Variants in PCDH9 observed in about 807,000 individuals in gnomAD.
PCDH9 encodes the protein protocadherin-9.
A neutral mutation model predicts 70.6 loss-of-function variants in PCDH9; 24 were observed. That is an observed-to-expected ratio of 0.34 (90% CI 0.25 to 0.48). The LOEUF (loss-of-function observed/expected upper bound fraction) is 0.48. Ranked by LOEUF, PCDH9 falls within the 20% of genes least tolerant of loss-of-function variation. The pLI is 0.99. For synonymous variants in PCDH9, 562 were observed against 558.5 expected (o/e 1.01, Z -0.09); for missense variants, 1,281 against 1,503.6 (o/e 0.85, Z 2.45).
chr13:66,972,905 T>C (rs761019837), intron 2 of PCDH9, among the ~76,000 whole-genome samples: 1 of 152,058 alleles, frequency 6.6e-6, no homozygotes, highest in Non-Finnish European at 1.5e-5. Flanking sequence ...AGATGACTAG[T>C]CACTTTCTTT....
intron 4 of PCDH9, among the ~76,000 whole-genome samples, chr13:66,489,073 T>C (rs1476116303): frequency 6.6e-6 from 1 of 152,200 alleles, no homozygotes; most frequent in Non-Finnish European, 1.5e-5. Context: ...TTTAACAACT[T>C]GCAAAGTTTT....
chr13:66,497,263 G>A (rs755085549), intron 4 of PCDH9, among the ~76,000 whole-genome samples: 3 of 151,540 alleles, frequency 2.0e-5, no homozygotes, highest in Non-Finnish European at 4.4e-5. Context: ...TGGTAGAAAT[G>A]GGGTTTTGCC....
At chr13:66,997,698 C>G (rs1243518145) in intron 2 of PCDH9, among the ~76,000 whole-genome samples, 1 of 152,090 alleles carries the variant, frequency 6.6e-6, no homozygotes, top group Middle Eastern at 3.2e-3. Flanking sequence ...CCATGCCTAG[C>G]TAATTTTTGT....
At chr13:66,489,573 A>T (rs958218408) in intron 4 of PCDH9, among the ~76,000 whole-genome samples, 5 of 152,132 alleles carry the variant, frequency 3.3e-5, no homozygotes, top group Non-Finnish European at 5.9e-5. Context: ...CAGCTTCTTA[A>T]AATGCTGAGA....
At chr13:67,187,795 G>A (rs9592502) in intron 2 of PCDH9, among the ~76,000 whole-genome samples, 7,656 of 152,010 alleles carry the variant, frequency 0.05, 248 homozygotes, top group Middle Eastern at 0.075. Context: ...CATAACAGTT[G>A]TACACATTTA....
intron 4 of PCDH9, among the ~76,000 whole-genome samples, chr13:66,415,325 A>G (rs1210292272): frequency 6.6e-6 from 1 of 152,136 alleles, no homozygotes; most frequent in East Asian, 1.9e-4. Context: ...TAATGAAAAC[A>G]GTATTTGCCA....
intron 3 of PCDH9, among the ~76,000 whole-genome samples, chr13:66,643,410 C>T (rs1681297746): frequency 6.6e-6 from 1 of 151,632 alleles, no homozygotes; most frequent in African/African-American, 2.4e-5. Context: ...TTTTTTTAAT[C>T]CACCTATTAT....
chr13:66,545,814 T>TTTTAC (rs1961162313), intron 4 of PCDH9, among the ~76,000 whole-genome samples: 1 of 145,314 alleles, frequency 6.9e-6, no homozygotes, highest in Non-Finnish European at 1.5e-5. Flanking sequence ...TTTTACTTTA[T>TTTTAC]TTTATTTTAT....
chr13:67,059,044 G>A (rs1052196735), intron 2 of PCDH9, among the ~76,000 whole-genome samples: 1 of 151,946 alleles, frequency 6.6e-6, no homozygotes, highest in Admixed American at 6.6e-5. Context: ...TGTTCCCTGG[G>A]AGAGTCTGAG....
At chr13:67,048,139 G>C (rs2085257807) in intron 2 of PCDH9, among the ~76,000 whole-genome samples, 1 of 152,134 alleles carries the variant, frequency 6.6e-6, no homozygotes, top group Non-Finnish European at 1.5e-5. Flanking sequence ...CCCTAAAGGA[G>C]ATTTTGAAGG....
At chr13:66,385,996 TAA>T (rs60534095) in intron 4 of PCDH9, among the ~76,000 whole-genome samples, 35 of 129,144 alleles carry the variant, frequency 2.7e-4, no homozygotes, top group African/African-American at 6.5e-4. Flanking sequence ...ACGTATCTGA[TAA>T]AAAAAAAAAA....
chr13:66,381,871 G>A (rs1350532025), intron 4 of PCDH9, among the ~76,000 whole-genome samples: 7 of 152,098 alleles, frequency 4.6e-5, no homozygotes, highest in Non-Finnish European at 7.4e-5. Flanking sequence ...TTAGACAGGA[G>A]TTTTTAAGTT....
chr13:66,693,933 A>C (rs2078522782), intron 3 of PCDH9, among the ~76,000 whole-genome samples: 1 of 152,220 alleles, frequency 6.6e-6, no homozygotes, highest in African/African-American at 2.4e-5. Context: ...ATTATCTCAC[A>C]ACTATAAGGT....
chr13:66,432,339 A>T (rs1957786629), intron 4 of PCDH9, among the ~76,000 whole-genome samples: 3 of 151,988 alleles, frequency 2.0e-5, no homozygotes, highest in Admixed American at 1.3e-4. Flanking sequence ...TTGTGGCAAC[A>T]TGACGTCTGA....
intron 3 of PCDH9, among the ~76,000 whole-genome samples, chr13:66,744,648 A>T (rs1235114409): frequency 6.6e-6 from 1 of 152,112 alleles, no homozygotes; most frequent in Non-Finnish European, 1.5e-5. Context: ...CATATATATA[A>T]TTTCCTCATT....
At chr13:66,780,613 C>G (rs2079983078) in intron 3 of PCDH9, among the ~76,000 whole-genome samples, 1 of 152,064 alleles carries the variant, frequency 6.6e-6, no homozygotes, top group Non-Finnish European at 1.5e-5. Context: ...TTAAAATGAC[C>G]CCTTTCCACT....
intron 3 of PCDH9, among the ~76,000 whole-genome samples, chr13:66,863,044 C>T (rs1244337109): frequency 2.0e-5 from 3 of 152,056 alleles, no homozygotes; most frequent in African/African-American, 7.2e-5. Context: ...TTTTCAAGTA[C>T]ATAACATTCT....
intron 3 of PCDH9, among the ~76,000 whole-genome samples, chr13:66,791,593 A>G (rs1180421625): frequency 6.6e-6 from 1 of 152,154 alleles, no homozygotes; most frequent in Non-Finnish European, 1.5e-5. Flanking sequence ...ATGTTTTTAC[A>G]TACATGTAAA....
At chr13:66,902,304 G>T (rs1361082742) in intron 3 of PCDH9, among the ~76,000 whole-genome samples, 4 of 151,586 alleles carry the variant, frequency 2.6e-5, no homozygotes, top group Admixed American at 2.6e-4. Context: ...AGAATTAGGG[G>T]ATAGAGCTGT....
Sources: allele counts gnomAD v4.1 joint callset (sites outside exome capture counted in the v4.1 genomes callset), GRCh38; gene constraint gnomAD v4.1.1; transcripts MANE v1.5; gene names NCBI Gene and HGNC (gene_info 2026-07-23, HGNC 2026-07-21).